Variants in LCORL observed in about 807,000 individuals in gnomAD.
The protein encoded by LCORL is ligand-dependent nuclear receptor corepressor-like protein.
LCORL carries 41 observed loss-of-function variants against 141.8 expected under a neutral mutation model. The ratio of observed to expected loss-of-function variants is 0.29; its 90% CI spans 0.23 to 0.38. LCORL has a LOEUF of 0.38. Ranked by LOEUF, LCORL falls within the 10% of genes least tolerant of loss-of-function variation. LCORL has a pLI of 1.00. For missense variants in LCORL, 1,759 were observed against 2,035.0 expected, an observed-to-expected ratio of 0.86 and a Z score of 2.61; for synonymous variants, 618 against 694.1, an observed-to-expected ratio of 0.89 and a Z score of 1.72.
At chr4:17,990,892 G>A (rs751344840) in intron 1 of LCORL, among the ~76,000 whole-genome samples, 10 of 151,972 alleles carry the variant, frequency 6.6e-5, no homozygotes, top group South Asian at 2.1e-4. Context: ...AAAAGTCCAC[G>A]ATCCTCAAAA....
chr4:17,997,705 A>G (rs970350385), intron 1 of LCORL, among the ~76,000 whole-genome samples: 3 of 152,188 alleles, frequency 2.0e-5, no homozygotes, highest in African/African-American at 4.8e-5. Flanking sequence ...ATCTGAGATC[A>G]GCAAGAATAA....
intron 5 of LCORL, among the ~76,000 whole-genome samples, chr4:17,899,972 A>G (rs957423199): frequency 6.6e-6 from 1 of 152,202 alleles, no homozygotes; most frequent in Non-Finnish European, 1.5e-5. Flanking sequence ...AAAATAAGAT[A>G]AAAATCCAAA....
At chr4:17,845,698 G>C in exon 8 of LCORL, 1 of 1,562,846 alleles carries the variant, frequency 6.4e-7, no homozygotes, top group Non-Finnish European at 8.7e-7. Context: ...ACAAAATAAA[G>C]ATAGTGCAAG....
At chr4:17,848,471 T>C (rs928668717) in intron 7 of LCORL, among the ~76,000 whole-genome samples, 1 of 152,218 alleles carries the variant, frequency 6.6e-6, no homozygotes, top group Non-Finnish European at 1.5e-5. Context: ...TGCCTCAGCC[T>C]TCTGAGTAGC....
intron 4 of LCORL, among the ~76,000 whole-genome samples, chr4:17,938,334 C>T (rs1737222477): frequency 6.6e-6 from 1 of 151,486 alleles, no homozygotes; most frequent in East Asian, 2.0e-4. Flanking sequence ...TCCTACTGGA[C>T]TTACCTTGAT....
rs557687089 is a variant in LCORL at position 17,979,074 on chromosome 4, T to A, written c.155-6189A>T. On this transcript the variant is annotated intron_variant, in intron 1 of 7. Coordinates refer to ENST00000635767, the Ensembl canonical transcript of LCORL. ...TGCCCCACCCCACAACAGGCCCCAGTGTGTTATGTTCCCCTTCCTGTGTCC... is the reference window on the plus strand; with the variant it reads ...TGCCCCACCCCACAACAGGCCCCAGAGTGTTATGTTCCCCTTCCTGTGTCC... Among the ~76,000 whole-genome samples the A allele has an allele frequency of 2.0e-5, 3 of 151,104 alleles. No homozygotes were observed. In the East Asian group the frequency reaches 5.9e-4, roughly 30 times the overall value.
intron 4 of LCORL, among the ~76,000 whole-genome samples, chr4:17,926,051 T>C (rs1223869149): frequency 6.6e-6 from 1 of 152,172 alleles, no homozygotes; most frequent in Non-Finnish European, 1.5e-5. Flanking sequence ...GATTGGGGAC[T>C]GGTGCACTGT....
chr4:17,932,631 T>C (rs1487553594), intron 4 of LCORL, among the ~76,000 whole-genome samples: 4 of 152,220 alleles, frequency 2.6e-5, no homozygotes, highest in Non-Finnish European at 5.9e-5. Context: ...AAATGTGCCA[T>C]AGAGTACGAG....
intron 1 of LCORL, among the ~76,000 whole-genome samples, chr4:18,000,774 T>C (rs528821668): frequency 2.0e-4 from 30 of 152,274 alleles, no homozygotes; most frequent in Non-Finnish European, 5.9e-5. Flanking sequence ...TGGGAGAGAT[T>C]AGTGACTGGA....
intron 5 of LCORL, among the ~76,000 whole-genome samples, chr4:17,888,978 CCA>C (rs1329898892): frequency 6.6e-6 from 1 of 152,054 alleles, no homozygotes; most frequent in South Asian, 2.1e-4. Flanking sequence ...GAAATTTCCC[CCA>C]TTCTAAGCTC....
At position 17,957,603 on chromosome 4, in the gene LCORL, T is replaced by C. The variant is rs1056795483; in HGVS notation, c.430+4300A>G. Among the ~76,000 whole-genome samples the C allele has an allele frequency of 3.9e-5, 6 of 152,122 alleles. No homozygotes were observed. In the South Asian group the frequency reaches 1.0e-3, roughly 26 times the overall value. On this transcript the variant is annotated intron_variant, in intron 4 of 7. Coordinates refer to ENST00000635767, the Ensembl canonical transcript of LCORL. Reference sequence around the variant, plus strand: ...GGTAGATTTCCTTTAATTCCTTCTATGGATGGACTTGCAAATAAAAGGGAG... The same window carrying C: ...GGTAGATTTCCTTTAATTCCTTCTACGGATGGACTTGCAAATAAAAGGGAG...
chr4:17,892,784 C>T (rs960029621), intron 5 of LCORL, among the ~76,000 whole-genome samples: 9 of 152,234 alleles, frequency 5.9e-5, no homozygotes, highest in African/African-American at 1.7e-4. Context: ...TCAGTTATTC[C>T]TGCAAGTACT....
exon 8 of LCORL, chr4:17,842,441 A>G (rs1722503557): frequency 7.4e-7 from 1 of 1,353,536 alleles, no homozygotes; most frequent in Non-Finnish European, 1.1e-6. Flanking sequence ...CTACAAGTAG[A>G]AAAAAACTAA....
At chr4:17,926,403 T>G (rs1452989991) in intron 4 of LCORL, among the ~76,000 whole-genome samples, 2 of 152,212 alleles carry the variant, frequency 1.3e-5, no homozygotes, top group Non-Finnish European at 2.9e-5. Context: ...CTTCTCGCCT[T>G]CCTCTTTCTC....
chr4:17,880,617 T>C lies in LCORL; in HGVS notation c.777-2404A>G, dbSNP rs180795405. ...TAGTCAGTTTTTTTCTTTTCTTTTC[T>C]TTTTTTCTTTTACTGAATGAGTAAA... On this transcript the variant is annotated intron_variant, in intron 6 of 7. Transcript: ENST00000635767. 7.0e-3 allele frequency: 6,903 copies of C among 982,422 alleles called. 27 individuals carry two copies. Among genetic ancestry groups the C allele is most frequent in the Non-Finnish European group, 7.9e-3 (6,533 of 827,474 alleles). 60.9% of individuals were successfully genotyped at this position (982,422 alleles called of 1,614,324 possible). A position where few individuals can be genotyped will look rare whatever the true frequency, so the allele number is the denominator to read the frequency against.
intron 1 of LCORL, among the ~76,000 whole-genome samples, chr4:17,986,405 C>T (rs530981125): frequency 1.3e-5 from 2 of 152,290 alleles, no homozygotes; most frequent in Admixed American, 1.3e-4. Context: ...GATTTGTAGG[C>T]TTGGCCTCTT....
intron 3 of LCORL, 79 bp from the exon 4 acceptor site, chr4:17,962,111 T>A: frequency 2.0e-6 from 2 of 977,344 alleles, no homozygotes; most frequent in South Asian, 1.8e-5. Flanking sequence ...TGACAAAAAA[T>A]TAATGCTCTA....
exon 8 of LCORL, chr4:17,841,363 G>A (rs1479708436): frequency 4.0e-5 from 6 of 151,812 alleles, no homozygotes; most frequent in African/African-American, 9.7e-5. Context: ...GGCCCTTTTC[G>A]ATGCAGATTT....
At chr4:17,847,944 C>T (rs934990790) in intron 7 of LCORL, among the ~76,000 whole-genome samples, 10 of 152,090 alleles carry the variant, frequency 6.6e-5, no homozygotes, top group African/African-American at 2.4e-4. Context: ...AAAATGAAGG[C>T]ATAGAACAAA....
Sources: allele counts gnomAD v4.1 joint callset (sites outside exome capture counted in the v4.1 genomes callset), GRCh38; gene constraint gnomAD v4.1.1; transcripts MANE v1.5; gene names NCBI Gene and HGNC (gene_info 2026-07-23, HGNC 2026-07-21).